The following FMN1 variants were observed in gnomAD, a reference collection of about 807,000 sequenced individuals.
FMN1 encodes formin 1, also known as formin-1.
FMN1 carries 110 observed loss-of-function variants against 132.4 expected under a neutral mutation model. The observed-to-expected ratio is 0.83, with a 90% CI of 0.71 to 0.97. The LOEUF is 0.97. Among genes scored for constraint, FMN1 ranks in the 50% least tolerant of loss-of-function variants. The probability of loss-of-function intolerance (pLI) is 0.00; values close to 1 mark genes in which losing one functional copy is unlikely to be tolerated. For missense variants in FMN1, 1,792 were observed against 1,705.3 expected (o/e 1.05, Z -0.90); for synonymous variants, 722 against 651.7 (o/e 1.11, Z -1.64).
intron 4 of FMN1, among the ~76,000 whole-genome samples, chr15:33,128,303 T>C (rs1011875582): frequency 6.6e-6 from 1 of 152,208 alleles, no homozygotes; most frequent in Non-Finnish European, 1.5e-5. Context: ...ACATGGCTGC[T>C]GACTAGGCCC....
intron 9 of FMN1, among the ~76,000 whole-genome samples, chr15:32,955,340 G>C (rs1250219921): frequency 6.6e-6 from 1 of 152,240 alleles, no homozygotes. Context: ...ATACATGGGA[G>C]ATGTGTGTAT....
intron 4 of FMN1, among the ~76,000 whole-genome samples, chr15:33,127,929 A>AGAG (rs3082371): frequency 0.3 from 45,292 of 149,402 alleles, 7,317 homozygotes; most frequent in East Asian, 0.64. Flanking sequence ...TGGAAATAGA[A>AGAG]GAAGAGGCAG....
At chr15:32,961,170 G>C (rs2140570647) in intron 9 of FMN1, among the ~76,000 whole-genome samples, 1 of 144,516 alleles carries the variant, frequency 6.9e-6, no homozygotes, top group South Asian at 2.2e-4. Flanking sequence ...TTTTGCTCTT[G>C]TTGCCCAGGC....
At chr15:33,133,542 A>G (rs1274694764) in intron 4 of FMN1, among the ~76,000 whole-genome samples, 1 of 152,192 alleles carries the variant, frequency 6.6e-6, no homozygotes, top group Non-Finnish European at 1.5e-5. Flanking sequence ...TGACCTAAGG[A>G]AAGTCACTCT....
At chr15:32,910,649 C>A (rs1483937521) in intron 10 of FMN1, 114 bp from the exon 11 acceptor site, 3 of 770,130 alleles carry the variant, frequency 3.9e-6, no homozygotes, top group Non-Finnish European at 6.6e-6. Context: ...TTTTCTTACA[C>A]AAGCTGTGCC....
At chr15:33,036,362 C>T (rs2036192878) in intron 6 of FMN1, among the ~76,000 whole-genome samples, 1 of 152,166 alleles carries the variant, frequency 6.6e-6, no homozygotes. Context: ...ACTTCCTTCA[C>T]ACATAATTCC....
chr15:33,100,867 T>G (rs563906543), intron 4 of FMN1, among the ~76,000 whole-genome samples: 1 of 152,258 alleles, frequency 6.6e-6, no homozygotes, highest in African/African-American at 2.4e-5. Context: ...GTCATTACTG[T>G]GGAATATTAT....
intron 9 of FMN1, among the ~76,000 whole-genome samples, chr15:32,942,431 A>G (rs148985817): frequency 4.7e-4 from 72 of 152,336 alleles, no homozygotes; most frequent in African/African-American, 1.5e-3. Flanking sequence ...TGTACACTGT[A>G]TATCTTCGGC....
intron 17 of FMN1, among the ~76,000 whole-genome samples, chr15:32,816,062 C>T (rs114611215): frequency 0.016 from 2,428 of 152,272 alleles, 74 homozygotes; most frequent in African/African-American, 0.055. Context: ...TAAGTAAATA[C>T]CGATTATGAT....
intron 16 of FMN1, among the ~76,000 whole-genome samples, chr15:32,864,061 T>C (rs575596669): frequency 6.6e-6 from 1 of 152,372 alleles, no homozygotes; most frequent in South Asian, 2.1e-4. Flanking sequence ...ATTTGCTTAT[T>C]AAAGCTTGGC....
intron 17 of FMN1, among the ~76,000 whole-genome samples, chr15:32,831,885 T>C (rs1404270260): frequency 6.6e-6 from 1 of 152,028 alleles, no homozygotes; most frequent in Admixed American, 6.6e-5. Flanking sequence ...CTCTCCAAAG[T>C]GGAGGTAGAA....
intron 2 of FMN1, among the ~76,000 whole-genome samples, chr15:33,191,938 G>A (rs1250935188): frequency 4.6e-5 from 7 of 152,292 alleles, no homozygotes. Context: ...GAATTAAGCT[G>A]ATATTTAAGA....
At chr15:32,823,152 GTTTTTTTTTTTTTTT>G (rs373185751) in intron 17 of FMN1, among the ~76,000 whole-genome samples, 24,440 of 86,864 alleles carry the variant, frequency 0.28, 2,737 homozygotes, top group East Asian at 0.47. Context: ...AGTTTCTACT[GTTTTTTTTTTTTTTT>G]TTTTTTTTTT....
chr15:33,067,815 C>G (rs764832567), intron 5 of FMN1: 2 of 1,614,012 alleles, frequency 1.2e-6, no homozygotes, highest in South Asian at 2.2e-5. Flanking sequence ...TGAGCCACTT[C>G]AAGTCCGGCT....
intron 7 of FMN1, among the ~76,000 whole-genome samples, chr15:33,001,891 A>G (rs1484697377): frequency 2.0e-5 from 3 of 152,102 alleles, no homozygotes; most frequent in East Asian, 1.9e-4. Flanking sequence ...CACATGGAAT[A>G]AAAACCCTAA....
intron 3 of FMN1, among the ~76,000 whole-genome samples, chr15:33,176,181 T>C (rs1391086816): frequency 1.3e-5 from 2 of 152,144 alleles, no homozygotes; most frequent in East Asian, 1.9e-4. Flanking sequence ...AAGACCAGCC[T>C]GGCCAACATG....
chr15:33,107,644 C>A (rs930487802), intron 4 of FMN1, among the ~76,000 whole-genome samples: 1 of 152,076 alleles, frequency 6.6e-6, no homozygotes, highest in Non-Finnish European at 1.5e-5. Flanking sequence ...TCACATCACT[C>A]AAGTTCAAGT....
At chr15:32,969,522 A>T in intron 7 of FMN1, 45 bp from the exon 8 acceptor site, 1 of 1,580,740 alleles carries the variant, frequency 6.3e-7, no homozygotes, top group Non-Finnish European at 8.6e-7. Flanking sequence ...GTTTATTAAG[A>T]ACAAACTTAA....
intron 2 of FMN1, among the ~76,000 whole-genome samples, chr15:33,190,831 ACTT>A (rs1251003197): frequency 1.3e-5 from 2 of 152,162 alleles, no homozygotes; most frequent in Non-Finnish European, 2.9e-5. Flanking sequence ...GGTCCCTGCT[ACTT>A]CTCCATTAAT....
Sources: allele counts gnomAD v4.1 joint callset (sites outside exome capture counted in the v4.1 genomes callset), GRCh38; gene constraint gnomAD v4.1.1; transcripts MANE v1.5; gene names NCBI Gene and HGNC (gene_info 2026-07-23, HGNC 2026-07-21).